ATP9B: variants seen among roughly 807,000 people sequenced by gnomAD.
ATP9B encodes the protein probable phospholipid-transporting ATPase IIB.
In ATP9B, 110 loss-of-function variants were observed where a neutral mutation model predicts 146.1. That is an observed-to-expected ratio of 0.75 (90% CI 0.65 to 0.88). The LOEUF is 0.88. ATP9B is among the 40% of genes least tolerant of loss of function. The probability of loss-of-function intolerance (pLI) is 0.00; values close to 1 mark genes in which losing one functional copy is unlikely to be tolerated. For synonymous variants in ATP9B, 604 were observed against 569.7 expected, an observed-to-expected ratio of 1.06 and a Z score of -0.86; for missense variants, 1,499 against 1,496.4, an observed-to-expected ratio of 1.00 and a Z score of -0.03.
chr18:79,257,035 C>A (rs2096089027), intron 12 of ATP9B, among the ~76,000 whole-genome samples: 1 of 152,202 alleles, frequency 6.6e-6, no homozygotes, highest in South Asian at 2.1e-4. Flanking sequence ...CGCAGGGGCT[C>A]ACGCCTGTAA....
At position 79,329,088 on chromosome 18, in the gene ATP9B, CGTGCGGCTTTCCT is replaced by C. The variant is rs1386536103; in HGVS notation, c.1774-51_1774-39del. 6.2e-6 allele frequency: 9 copies of C among 1,448,790 alleles called. No homozygotes were observed. The Admixed American group carries it at 2.4e-4, about 39-fold the overall frequency. 89.7% of individuals were successfully genotyped at this position (1,448,790 alleles called of 1,614,324 possible). On this transcript the variant is annotated intron_variant, in intron 15 of 29. Transcript: ENST00000426216. Reference sequence around the variant, plus strand: ...GAGCACTGCCGTGCTGGCTCGCCTGCGTGCGGCTTTCCTGAGGCAGCGGTGGCCTCAGTTGTTG... The same window carrying C: ...GAGCACTGCCGTGCTGGCTCGCCTGCGAGGCAGCGGTGGCCTCAGTTGTTG...
Position 79,088,619 on chromosome 18 carries a change from A to C in ATP9B, c.120-7857A>C, listed in dbSNP as rs116234196. Among the ~76,000 whole-genome samples the C allele has an allele frequency of 8.8e-3, 1,345 of 152,320 alleles. 25 individuals carry two copies. Among genetic ancestry groups the C allele is most frequent in the African/African-American group, 0.03 (1,267 of 41,566 alleles). Reference sequence around the variant, plus strand: ...TTTGATTGGTAGAGTAGGGTGTTTAAAAGAGGGGTGAAAAGAAGTGACTGC... The same window carrying C: ...TTTGATTGGTAGAGTAGGGTGTTTACAAGAGGGGTGAAAAGAAGTGACTGC... On this transcript the variant is annotated intron_variant, in intron 1 of 29. Transcript: ENST00000426216.
intron 9 of ATP9B, among the ~76,000 whole-genome samples, chr18:79,204,091 A>T (rs182594425): frequency 2.0e-5 from 3 of 152,264 alleles, no homozygotes; most frequent in Admixed American, 6.5e-5. Context: ...GTTTTTCTGG[A>T]TTGTTTATCT....
At chr18:79,079,175 C>T (rs1216728452) in intron 1 of ATP9B, among the ~76,000 whole-genome samples, 1 of 152,020 alleles carries the variant, frequency 6.6e-6, no homozygotes, top group African/African-American at 2.4e-5. Flanking sequence ...GGGTATATAC[C>T]CAGTAATGGG....
chr18:79,112,180 A>ACTTAAC (rs2093987464), intron 3 of ATP9B, among the ~76,000 whole-genome samples: 1 of 152,184 alleles, frequency 6.6e-6, no homozygotes, highest in Non-Finnish European at 1.5e-5. Flanking sequence ...AGCAATAAGC[A>ACTTAAC]CTTAACCCAT....
At chr18:79,362,920 CT>C (rs1479292754) in intron 26 of ATP9B, 43 of 152,302 alleles carry the variant, frequency 2.8e-4, no homozygotes, top group African/African-American at 9.4e-4. Flanking sequence ...TTTTTATTTT[CT>C]GTAGAATACT....
At chr18:79,375,353 T>C (rs780304124) in intron 28 of ATP9B, 41 bp from the exon 29 acceptor site, 1 of 1,564,502 alleles carries the variant, frequency 6.4e-7, no homozygotes, top group Non-Finnish European at 8.8e-7. Context: ...GGTATCTCCT[T>C]TAATCTGTCC....
chr18:79,375,442 A>G lies in ATP9B; in HGVS notation c.3307+16A>G. ...GCTTTCTTAGGTAGGTAAAGTTATCATTTCTTTCAAAAGTGTAGAAATTTA... is the reference window on the plus strand; with the variant it reads ...GCTTTCTTAGGTAGGTAAAGTTATCGTTTCTTTCAAAAGTGTAGAAATTTA... On this transcript the variant is annotated intron_variant, in intron 29 of 29. Transcript: ENST00000426216. The G allele has an allele frequency of 6.2e-7, 1 of 1,611,512 alleles. No homozygotes were observed. Among genetic ancestry groups the G allele is most frequent in the Non-Finnish European group, 8.5e-7 (1 of 1,177,820 alleles).
At chr18:79,129,024 T>C (rs1259200613) in intron 5 of ATP9B, among the ~76,000 whole-genome samples, 4 of 152,190 alleles carry the variant, frequency 2.6e-5, no homozygotes, top group Non-Finnish European at 4.4e-5. Context: ...CAAATAATTG[T>C]TTCTGCCTCT....
rs758521218 is a variant in ATP9B, at chr18:79,337,411, C to T, written c.2245C>T (p.Arg749Trp). 15 of 1,613,436 alleles carry T rather than the reference C, an allele frequency of 9.3e-6. No individual in the cohort carries two copies. Among genetic ancestry groups the T allele is most frequent in the South Asian group, 4.4e-5 (4 of 91,072 alleles). Residue 749 changes from arginine (R) to tryptophan (W), a missense_variant, in exon 19 of 30, where the codon CGG becomes TGG. Coordinates refer to ENST00000426216, the MANE Select transcript of ATP9B (RefSeq NM_198531.5). Reference sequence around the variant, plus strand: ...GGAGGACCAGCTGCAGGCAGACGTGCGGCCCACGCTGGAGATGCTGCGCAA... The same window carrying T: ...GGAGGACCAGCTGCAGGCAGACGTGTGGCCCACGCTGGAGATGCTGCGCAA... ...GVEDQLQADV[R>W]PTLEMLRNAG...
chr18:79,150,772 A>G (rs2094676253), intron 6 of ATP9B, among the ~76,000 whole-genome samples: 1 of 152,150 alleles, frequency 6.6e-6, no homozygotes. Flanking sequence ...AGAGGATCAC[A>G]TAAAACTAGG....
At chr18:79,164,565 A>G (rs986436112) in intron 7 of ATP9B, among the ~76,000 whole-genome samples, 2 of 152,052 alleles carry the variant, frequency 1.3e-5, no homozygotes, top group African/African-American at 2.4e-5. Context: ...AATACAAAAA[A>G]AAAATTAGCC....
chr18:79,241,660 C>T (rs539536750), intron 11 of ATP9B, among the ~76,000 whole-genome samples: 6 of 152,322 alleles, frequency 3.9e-5, no homozygotes, highest in East Asian at 3.9e-4. Context: ...GCAACCTTTT[C>T]GTCATTATGC....
intron 6 of ATP9B, among the ~76,000 whole-genome samples, chr18:79,151,104 A>G (rs1301328954): frequency 6.6e-6 from 1 of 152,240 alleles, no homozygotes; most frequent in Non-Finnish European, 1.5e-5. Context: ...TCTGAAATTC[A>G]TAGGGACATT....
chr18:79,344,004 C>G, intron 20 of ATP9B: 1 of 534,830 alleles, frequency 1.9e-6, no homozygotes, highest in East Asian at 3.3e-5. Context: ...GGTGATTCCA[C>G]TGCATTCCTC....
chr18:79,097,031 T>C (rs1220592262), intron 2 of ATP9B, among the ~76,000 whole-genome samples: 1 of 151,558 alleles, frequency 6.6e-6, no homozygotes, highest in Non-Finnish European at 1.5e-5. Flanking sequence ...GATTGTGAGC[T>C]CCTGTAATCC....
At position 79,154,110 on chromosome 18, in the gene ATP9B, C is replaced by T. The variant is rs567386036; in HGVS notation, c.727-394C>T. ...CTGGGACTACAGGTGCCTGCCACCACGCCCAGCTAATTTTTTGCATTTTTT... is the reference window on the plus strand; with the variant it reads ...CTGGGACTACAGGTGCCTGCCACCATGCCCAGCTAATTTTTTGCATTTTTT... On this transcript the variant is annotated intron_variant, in intron 6 of 29. Transcript: ENST00000426216. Among the ~76,000 whole-genome samples, 9 of 147,822 alleles carry T rather than the reference C, an allele frequency of 6.1e-5. No individual in the cohort carries two copies. In the East Asian group the frequency reaches 6.2e-4, roughly 10 times the overall value.
chr18:79,073,146 TGGGAGGCC>T (rs1568358298), intron 1 of ATP9B, among the ~76,000 whole-genome samples: 1 of 142,384 alleles, frequency 7.0e-6, no homozygotes, highest in African/African-American at 2.7e-5. Context: ...CTTCCCAGAC[TGGGAGGCC>T]GGGCAGACGG....
At chr18:79,354,626 TC>T (rs201476407) in intron 25 of ATP9B, 33,388 of 137,220 alleles carry the variant, frequency 0.24, 4,533 homozygotes, top group East Asian at 0.54. Context: ...CAGCTCCACT[TC>T]CAGGACGGTG....
Sources: gnomAD v4.1 joint callset for allele counts (sites outside exome capture counted in the v4.1 genomes callset) on GRCh38, gnomAD v4.1.1 for gene constraint, MANE v1.5 for transcripts, NCBI Gene and HGNC (gene_info 2026-07-23, HGNC 2026-07-21) for gene names.